UBE2G2: variants seen among roughly 807,000 people sequenced by gnomAD.
UBE2G2 encodes ubiquitin-conjugating enzyme E2 G2.
UBE2G2 carries 10 observed loss-of-function variants against 23.0 expected under a neutral mutation model. The observed-to-expected ratio is 0.43, with a 90% CI of 0.27 to 0.74. The LOEUF (loss-of-function observed/expected upper bound fraction) is 0.74. Among genes scored for constraint, UBE2G2 ranks in the 30% least tolerant of loss-of-function variants. UBE2G2 has a pLI of 0.19. For missense variants in UBE2G2, 150 were observed against 218.3 expected (o/e 0.69, Z 1.97); for synonymous variants, 86 against 81.3 (o/e 1.06, Z -0.31).
intron 1 of UBE2G2, among the ~76,000 whole-genome samples, chr21:44,796,108 T>A (rs185357209): frequency 2.0e-4 from 30 of 152,322 alleles, no homozygotes; most frequent in Non-Finnish European, 3.5e-4. Flanking sequence ...AAGCCCCCCA[T>A]GGGCAGCCCA....
intron 3 of UBE2G2, among the ~76,000 whole-genome samples, chr21:44,783,411 A>G (rs1396203326): frequency 2.6e-5 from 4 of 152,222 alleles, no homozygotes; most frequent in African/African-American, 9.6e-5. Flanking sequence ...CCACACCTCT[A>G]TATCTGGTCT....
intron 3 of UBE2G2, among the ~76,000 whole-genome samples, chr21:44,783,408 T>C (rs2329899): frequency 0.36 from 54,419 of 152,122 alleles, 10,411 homozygotes; most frequent in South Asian, 0.45. Context: ...ATTCCACACC[T>C]CTATATCTGG....
rs186441788 is a variant in UBE2G2, at chr21:44,781,290, C to A, written c.126-3873G>T. 2.9e-3 allele frequency among the ~76,000 whole-genome samples: 443 copies of A among 152,304 alleles called. 9 individuals are homozygous for A. Among genetic ancestry groups the A allele is most frequent in the Non-Finnish European group, 8.1e-4 (55 of 68,024 alleles). On this transcript the variant is annotated intron_variant, in intron 3 of 5. Transcript: ENST00000345496. ...AAGGATAAGCACCTCCCTTACGCTA[C>A]AGAATCGACAGAGGGCACCCAGCAG...
At chr21:44,779,270 A>G in intron 3 of UBE2G2, 1 of 406,242 alleles carries the variant, frequency 2.5e-6, no homozygotes, top group Non-Finnish European at 4.7e-6. Context: ...TGGAGACAAG[A>G]TTTTTCAATC....
intron 3 of UBE2G2, among the ~76,000 whole-genome samples, chr21:44,784,182 G>GAGGGA (rs2082977255): frequency 6.6e-6 from 1 of 150,410 alleles, no homozygotes; most frequent in Non-Finnish European, 1.5e-5. Context: ...GAGGGGAGGG[G>GAGGGA]AGGGAAGAAA....
chr21:44,791,276 C>T (rs2083041838), intron 1 of UBE2G2, among the ~76,000 whole-genome samples: 1 of 152,134 alleles, frequency 6.6e-6, no homozygotes, highest in South Asian at 2.1e-4. Context: ...ATCGCCAAGA[C>T]AATGGGGTAA....
In UBE2G2 at chr21:44,773,716, C is replaced by T. The variant is rs183891342; in HGVS notation, c.245-29G>A. 131 of 1,605,562 alleles carry T rather than the reference C, an allele frequency of 8.2e-5. No homozygotes were observed. In the Middle Eastern group the frequency reaches 1.5e-3, roughly 18 times the overall value. ...CAAGGGTCAGAGGCAGCCAAGTGAGCCCAGGAATGGTGCCCGAGGCATCGC... is the reference window on the plus strand; with the variant it reads ...CAAGGGTCAGAGGCAGCCAAGTGAGTCCAGGAATGGTGCCCGAGGCATCGC... On this transcript the variant is annotated intron_variant, in intron 4 of 5. Transcript: ENST00000345496.
rs546573694 is a variant in UBE2G2 at position 44,788,076 on chromosome 21, C to T, written c.63G>A (p.Pro21=). ...GTACCTTACCTGCTACAATTCCTTC[C>T]GGAGGATTCAGTGTTAATTCTATAA... ...AEYKQLTLNP[P]EGIVAGPMNE... The change falls in exon 2 of 6, where the codon CCG becomes CCA. Residue 21 remains proline, a synonymous_variant. Coordinates refer to ENST00000345496, the MANE Select transcript of UBE2G2 (RefSeq NM_003343.6). 29 of 1,610,226 alleles carry T rather than the reference C, an allele frequency of 1.8e-5. No homozygotes were observed. Among genetic ancestry groups the T allele is most frequent in the African/African-American group, 1.1e-4 (8 of 74,620 alleles).
chr21:44,791,623 C>G (rs925899136), intron 1 of UBE2G2, among the ~76,000 whole-genome samples: 2 of 152,196 alleles, frequency 1.3e-5, no homozygotes, highest in South Asian at 2.1e-4. Flanking sequence ...GATGTCCAGA[C>G]AGAAATCTGC....
chr21:44,801,671 G>A, intron 1 of UBE2G2, 35 bp downstream of exon 1: 2 of 1,504,442 alleles, frequency 1.3e-6, no homozygotes, highest in Non-Finnish European at 1.8e-6. Flanking sequence ...GCAGGAACGC[G>A]GGACGCTGCT....
intron 1 of UBE2G2, among the ~76,000 whole-genome samples, chr21:44,791,143 A>G (rs545471137): frequency 6.6e-6 from 1 of 152,136 alleles, no homozygotes; most frequent in South Asian, 2.1e-4. Flanking sequence ...TGAAATTGGA[A>G]CTCGTGTTTA....
intron 3 of UBE2G2, among the ~76,000 whole-genome samples, chr21:44,780,823 TTC>T (rs1177700752): frequency 2.6e-5 from 4 of 152,228 alleles, no homozygotes; most frequent in Non-Finnish European, 5.9e-5. Flanking sequence ...GATCAGCCTC[TTC>T]TGTCTTTCCA....
At chr21:44,794,495 ATAAT>A (rs1448236489) in intron 1 of UBE2G2, among the ~76,000 whole-genome samples, 6 of 152,142 alleles carry the variant, frequency 3.9e-5, no homozygotes, top group African/African-American at 1.4e-4. Flanking sequence ...TTAAAAGTCA[ATAAT>A]TGAATTTCAT....
chr21:44,796,408 T>C (rs2083089153), intron 1 of UBE2G2, among the ~76,000 whole-genome samples: 1 of 152,162 alleles, frequency 6.6e-6, no homozygotes, highest in Non-Finnish European at 1.5e-5. Context: ...TAACCAAATT[T>C]ATCTAAACCC....
intron 4 of UBE2G2, chr21:44,774,693 G>C (rs1555960353): frequency 4.4e-6 from 2 of 456,312 alleles, no homozygotes; most frequent in Non-Finnish European, 4.4e-6. Flanking sequence ...CATTCAAGGA[G>C]AGTGGAAGAA....
In UBE2G2 at chr21:44,788,092, A is replaced by G; in HGVS notation, c.47T>C (p.Leu16Ser). ...AATTCCTTCCGGAGGATTCAGTGTT[A>G]ATTCTATAAAATTAATAAGTAAAAC... ...LKRLMAEYKQ[L>S]TLNPPEGIVA... Residue 16 changes from leucine (L) to serine (S), a missense_variant, in exon 2 of 6, where the codon TTA becomes TCA. Leu to Ser is a moderately radical substitution (Grantham distance 145). Transcript: ENST00000345496. 1 of 1,601,440 alleles carries G rather than the reference A, an allele frequency of 6.2e-7. No homozygotes were observed. The highest frequency in any genetic ancestry group is 8.5e-7 in the Non-Finnish European group (1 of 1,175,550).
chr21:44,787,547 C>T (rs1205655976), intron 3 of UBE2G2, among the ~76,000 whole-genome samples: 1 of 152,224 alleles, frequency 6.6e-6, no homozygotes, highest in Non-Finnish European at 1.5e-5. Flanking sequence ...TTTGAGGACC[C>T]TTTTCTCGTC....
intron 1 of UBE2G2, among the ~76,000 whole-genome samples, chr21:44,798,781 T>C (rs2083113306): frequency 6.6e-6 from 1 of 152,252 alleles, no homozygotes; most frequent in South Asian, 2.1e-4. Context: ...CAAACGCCTG[T>C]TGTTGATATG....
At chr21:44,780,464 A>T (rs1231342898) in intron 3 of UBE2G2, among the ~76,000 whole-genome samples, 4 of 152,248 alleles carry the variant, frequency 2.6e-5, no homozygotes, top group African/African-American at 7.2e-5. Context: ...GGAGGACACA[A>T]ATATATCCAA....
Sources: gnomAD v4.1 joint callset for allele counts (sites outside exome capture counted in the v4.1 genomes callset) on GRCh38, gnomAD v4.1.1 for gene constraint, MANE v1.5 for transcripts, NCBI Gene and HGNC (gene_info 2026-07-23, HGNC 2026-07-21) for gene names.